Variants in XRCC5 observed in about 807,000 individuals in gnomAD.
The protein encoded by XRCC5 is X-ray repair cross complementing 5.
Under a neutral mutation model 95.7 loss-of-function variants are expected in XRCC5, and 12 were observed. The ratio of observed to expected loss-of-function variants is 0.13; its 90% confidence interval spans 0.08 to 0.20. XRCC5 has a LOEUF of 0.20. Ranked by LOEUF, XRCC5 falls within the 10% of genes least tolerant of loss-of-function variation. XRCC5 has a pLI of 1.00. For missense variants in XRCC5, 595 were observed against 873.9 expected (o/e 0.68, Z 4.02); for synonymous variants, 281 against 290.3 (o/e 0.97, Z 0.33).
intron 14 of XRCC5, among the ~76,000 whole-genome samples, chr2:216,149,024 A>T (rs1688694026): frequency 6.6e-6 from 1 of 152,202 alleles, no homozygotes; most frequent in Non-Finnish European, 1.5e-5. Context: ...TCAAGCTGGA[A>T]TAATCTATAC....
chr2:216,175,778 G>T, intron 16 of XRCC5: 1 of 449,532 alleles, frequency 2.2e-6, no homozygotes, highest in Middle Eastern at 4.1e-4. Context: ...CAACACAAGA[G>T]AAAGCCATAA....
At chr2:216,121,186 C>G (rs143472228) in intron 5 of XRCC5, among the ~76,000 whole-genome samples, 18 of 152,300 alleles carry the variant, frequency 1.2e-4, no homozygotes, top group African/African-American at 4.1e-4. Flanking sequence ...GCTTTGAAAA[C>G]AGGAGTAACC....
At chr2:216,143,601 A>T (rs1697205275) in intron 13 of XRCC5, among the ~76,000 whole-genome samples, 1 of 152,108 alleles carries the variant, frequency 6.6e-6, no homozygotes, top group Non-Finnish European at 1.5e-5. Flanking sequence ...AATGTGGCTT[A>T]TCTATATAAA....
At chr2:216,118,946 A>G in intron 4 of XRCC5, 97 bp from the exon 5 acceptor site, 1 of 1,320,290 alleles carries the variant, frequency 7.6e-7, no homozygotes, top group Non-Finnish European at 1.1e-6. Flanking sequence ...CTCTAGATCC[A>G]TTTCTAAGCT....
intron 17 of XRCC5, among the ~76,000 whole-genome samples, chr2:216,191,463 G>A (rs1324110683): frequency 6.6e-6 from 1 of 151,512 alleles, no homozygotes; most frequent in African/African-American, 2.4e-5. Flanking sequence ...CCAGGCTGGA[G>A]TGCAGTGGCG....
intron 19 of XRCC5, among the ~76,000 whole-genome samples, chr2:216,202,620 C>G (rs2106055359): frequency 6.6e-6 from 1 of 152,290 alleles, no homozygotes; most frequent in South Asian, 2.1e-4. Context: ...ACCATTGATT[C>G]TCAGTCTTGC....
intron 16 of XRCC5, chr2:216,175,044 A>G: frequency 3.2e-6 from 1 of 307,694 alleles, no homozygotes. Context: ...TTCCAGAATC[A>G]TTATAGTTCC....
chr2:216,143,679 G>A (rs1211962630), intron 13 of XRCC5, among the ~76,000 whole-genome samples: 2 of 151,248 alleles, frequency 1.3e-5, no homozygotes, highest in African/African-American at 2.4e-5. Flanking sequence ...AATGAACCAC[G>A]TGCGAAAGAT....
At chr2:216,131,204 A>C in intron 9 of XRCC5, 1 of 985,422 alleles carries the variant, frequency 1.0e-6, no homozygotes, top group Non-Finnish European at 1.2e-6. Context: ...GCAAACTAAA[A>C]ATACAGGATG....
At chr2:216,148,908 AAAAT>A (rs1267442808) in intron 14 of XRCC5, among the ~76,000 whole-genome samples, 1 of 151,496 alleles carries the variant, frequency 6.6e-6, no homozygotes, top group East Asian at 1.9e-4. Context: ...AAACAAAACA[AAAAT>A]AAAACAAGAA....
intron 14 of XRCC5, among the ~76,000 whole-genome samples, chr2:216,150,931 A>G (rs530776548): frequency 2.0e-5 from 3 of 152,302 alleles, no homozygotes; most frequent in Admixed American, 1.3e-4. Context: ...GCTTTGCGCT[A>G]TGATGTCATG....
rs56227680 is a variant in XRCC5, at chr2:216,160,045, G to T, written c.1671-23G>T. The T allele has an allele frequency of 8.4e-5, 125 of 1,480,998 alleles. No individual in the cohort carries two copies. In the African/African-American group the frequency reaches 1.5e-3, roughly 17 times the overall value. 91.7% of individuals were successfully genotyped at this position (1,480,998 alleles called of 1,614,324 possible). On this transcript the variant is annotated intron_variant, in intron 14 of 20. Transcript: ENST00000392132. Reference sequence around the variant, plus strand: ...TGGTTTTGTATTGTTTGTTCTAAGAGAAATTTTTTTTTTCTTTTCTAGCCA... The same window carrying T: ...TGGTTTTGTATTGTTTGTTCTAAGATAAATTTTTTTTTTCTTTTCTAGCCA...
At chr2:216,126,707 T>G (rs1050335511) in intron 7 of XRCC5, among the ~76,000 whole-genome samples, 52 of 152,284 alleles carry the variant, frequency 3.4e-4, no homozygotes, top group African/African-American at 1.2e-3. Context: ...TGTATTTAGT[T>G]TTTTTCTTTG....
chr2:216,180,533 C>T (rs888971340), intron 16 of XRCC5, among the ~76,000 whole-genome samples: 3 of 152,066 alleles, frequency 2.0e-5, no homozygotes, highest in African/African-American at 7.2e-5. Flanking sequence ...GGCTGAGGCA[C>T]AAGAATTGCT....
At chr2:216,172,475 T>TTTTTTTC (rs1689186567) in intron 16 of XRCC5, among the ~76,000 whole-genome samples, 1 of 142,000 alleles carries the variant, frequency 7.0e-6, no homozygotes, top group Admixed American at 6.8e-5. Context: ...TTTTCTTTTT[T>TTTTTTTC]TTTTTTTTTT....
At chr2:216,141,431 C>T in intron 13 of XRCC5, 112 bp downstream of exon 13, 2 of 1,088,778 alleles carry the variant, frequency 1.8e-6, no homozygotes, top group South Asian at 3.3e-5. Context: ...CTGAAGGCCC[C>T]ATTTGCTCTA....
chr2:216,141,540 C>CTTTTCTTTT (rs1697169556), intron 13 of XRCC5, among the ~76,000 whole-genome samples: 1 of 65,006 alleles, frequency 1.5e-5, no homozygotes, highest in African/African-American at 7.4e-5. Flanking sequence ...TCTTTCTTTT[C>CTTTTCTTTT]TTTTTTTTTT....
Position 216,158,873 on chromosome 2 carries a change from T to C in XRCC5, c.1671-1195T>C, listed in dbSNP as rs573365988. Among the ~76,000 whole-genome samples the C allele has an allele frequency of 8.5e-5, 13 of 152,346 alleles. No homozygotes were observed. In the South Asian group the frequency reaches 2.7e-3, roughly 32 times the overall value. ...ATGTTTTATTTTCTCTTGGCTTCAT[T>C]TTATTTTTAAAATTTATTTTTGCTT... is the stretch of plus-strand genomic sequence containing the variant. On this transcript the variant is annotated intron_variant, in intron 14 of 20. Coordinates refer to ENST00000392132, the MANE Select transcript of XRCC5 (RefSeq NM_021141.4).
intron 2 of XRCC5, among the ~76,000 whole-genome samples, chr2:216,115,365 A>G (rs1185811669): frequency 2.6e-5 from 4 of 152,200 alleles, no homozygotes; most frequent in African/African-American, 9.7e-5. Context: ...GTCCCATACT[A>G]CATTCAGAAT....
Sources: gnomAD v4.1 joint callset for allele counts (sites outside exome capture counted in the v4.1 genomes callset) on GRCh38, gnomAD v4.1.1 for gene constraint, MANE v1.5 for transcripts, NCBI Gene and HGNC (gene_info 2026-07-23, HGNC 2026-07-21) for gene names.